Variants in CENPO observed in about 807,000 individuals in gnomAD.
CENPO encodes centromere protein O.
A neutral mutation model predicts 36.1 loss-of-function variants in CENPO; 30 were observed. The ratio of observed to expected loss-of-function variants is 0.83; its 90% CI spans 0.62 to 1.13. The LOEUF is 1.13. CENPO is among the 50% of genes most tolerant of loss of function. CENPO has a pLI of 0.00. For synonymous variants in CENPO, 171 were observed against 142.3 expected (o/e 1.20, Z -1.44); for missense variants, 349 against 357.8 (o/e 0.98, Z 0.20).
chr2:24,794,092 A>G (rs1665769685), intron 2 of CENPO, 127 bp downstream of exon 2: 1 of 769,788 alleles, frequency 1.3e-6, no homozygotes, highest in Non-Finnish European at 2.3e-6. Flanking sequence ...GAAAGGAACT[A>G]ACATTGAAGA....
intron 2 of CENPO, among the ~76,000 whole-genome samples, chr2:24,797,769 T>C (rs1292221969): frequency 6.6e-6 from 1 of 152,198 alleles, no homozygotes; most frequent in Admixed American, 6.5e-5. Flanking sequence ...TGGTGATCAG[T>C]AGGAGCATAT....
intron 3 of CENPO, among the ~76,000 whole-genome samples, chr2:24,812,902 G>GTTTTT (rs35639594): frequency 6.4e-4 from 68 of 105,620 alleles, no homozygotes; most frequent in Non-Finnish European, 7.9e-4. Context: ...TATGCCTGTA[G>GTTTTT]TTTTTTTTTT....
Position 24,821,079 on chromosome 2 carries a change from G to C in CENPO, c.*1761G>C, listed in dbSNP as rs1001696524. 3.5e-6 allele frequency: 2 copies of C among 573,096 alleles called. No individual in the cohort carries two copies. Among genetic ancestry groups the C allele is most frequent in the East Asian group, 6.5e-5 (2 of 30,882 alleles). 35.5% of individuals were successfully genotyped at this position (573,096 alleles called of 1,614,324 possible). Reference sequence around the variant, plus strand: ...CCCCATATGCAGATTTACTCGGCATGGTAGTGGCCAGCTTCTAACACAGCT... The same window carrying C: ...CCCCATATGCAGATTTACTCGGCATCGTAGTGGCCAGCTTCTAACACAGCT... On this transcript the variant is annotated 3_prime_UTR_variant, in exon 8 of 8. Transcript: ENST00000380834.
At chr2:24,814,579 T>C in intron 4 of CENPO, 86 bp downstream of exon 4, 2 of 746,116 alleles carry the variant, frequency 2.7e-6, no homozygotes, top group Non-Finnish European at 2.5e-6. Context: ...CCTGGAATTA[T>C]TTCATAATTT....
Position 24,821,491 on chromosome 2 carries a change from G to T in CENPO, c.*2173G>T. The stretch of plus-strand genomic sequence containing the variant: ...CCTGCATGGGAAGGGAGCCTGCTGC[G>T]GGGCAGGCCAGCTGGGGGTGCTCAC... On this transcript the variant is annotated 3_prime_UTR_variant, in exon 8 of 8. Transcript: ENST00000380834. 6.2e-7 allele frequency: 1 copy of T among 1,612,042 alleles called. No homozygotes were observed. The highest frequency in any genetic ancestry group is 1.1e-5 in the South Asian group (1 of 90,862).
intron 4 of CENPO, 102 bp from the exon 5 acceptor site, chr2:24,815,395 A>T: frequency 1.2e-6 from 1 of 838,818 alleles, no homozygotes; most frequent in Non-Finnish European, 2.0e-6. Flanking sequence ...TTTGTGTACA[A>T]AGTGTACATA....
At chr2:24,798,127 A>G (rs1665992291) in intron 2 of CENPO, among the ~76,000 whole-genome samples, 1 of 152,150 alleles carries the variant, frequency 6.6e-6, no homozygotes, top group African/African-American at 2.4e-5. Context: ...TAGTCCCAAA[A>G]CGTTCGGATA....
chr2:24,817,429 T>C (rs1447764734), intron 6 of CENPO, among the ~76,000 whole-genome samples: 1 of 142,056 alleles, frequency 7.0e-6, no homozygotes, highest in African/African-American at 2.7e-5. Flanking sequence ...AGTCTCTAGA[T>C]TGCATTGGTC....
chr2:24,806,357 A>G (rs1247196058), intron 3 of CENPO, among the ~76,000 whole-genome samples: 6 of 152,132 alleles, frequency 3.9e-5, no homozygotes, highest in Non-Finnish European at 8.8e-5. Flanking sequence ...CACTTCCCAG[A>G]GAGATGAACC....
Position 24,821,019 on chromosome 2 carries a change from T to C in CENPO, c.*1701T>C. On this transcript the variant is annotated 3_prime_UTR_variant, in exon 8 of 8. Transcript: ENST00000380834. ...GGGTGGAAATCACATCTCCTGTTTA[T>C]CCGTGTGCTTGTTAGGTGTCAGCCG... 1.1e-6 allele frequency: 1 copy of C among 943,706 alleles called. No homozygotes were observed. The highest frequency in any genetic ancestry group is 1.5e-6 in the Non-Finnish European group (1 of 654,146). The allele number at this position is 943,706 out of a possible 1,614,324, so 58.5% of individuals were successfully genotyped here.
In CENPO at chr2:24,796,210, C is replaced by T. The variant is rs145433870; in HGVS notation, c.46+2245C>T. ...CTCTACTAAAAATACAAAAATTAGC[C>T]GGGCATCGTGGTGCATGCCTGTAGT... is the stretch of plus-strand genomic sequence containing the variant. On this transcript the variant is annotated intron_variant, in intron 2 of 7. Coordinates refer to ENST00000380834, the MANE Select transcript of CENPO (RefSeq NM_001322101.2). Among the ~76,000 whole-genome samples the T allele has an allele frequency of 4.1e-4, 63 of 152,066 alleles. No individual in the cohort carries two copies. The East Asian group carries it at 5.3e-3, about 13-fold the overall frequency.
At chr2:24,801,321 CTTTAG>C (rs1490021625) in intron 3 of CENPO, among the ~76,000 whole-genome samples, 1 of 152,118 alleles carries the variant, frequency 6.6e-6, no homozygotes, top group Non-Finnish European at 1.5e-5. Context: ...TGCAGAAGCT[CTTTAG>C]TTTAATTAGA....
chr2:24,810,869 ATTC>A (rs1353593465), intron 3 of CENPO, among the ~76,000 whole-genome samples: 2 of 152,092 alleles, frequency 1.3e-5, no homozygotes, highest in Non-Finnish European at 2.9e-5. Context: ...CGTTTAAGGT[ATTC>A]TTCTTGTAAA....
Position 24,822,268 on chromosome 2 carries a change from C to A in CENPO, c.*2950C>A. 1 of 433,788 alleles carries A rather than the reference C, an allele frequency of 2.3e-6. No individual in the cohort carries two copies. The highest frequency in any genetic ancestry group is 4.1e-6 in the Non-Finnish European group (1 of 246,570). The allele number at this position is 433,788 out of a possible 1,614,324, so 26.9% of individuals were successfully genotyped here. On this transcript the variant is annotated 3_prime_UTR_variant, in exon 8 of 8. Transcript: ENST00000380834. ...AGCACAGAGCCTTAGGGGGCCTGGC[C>A]ACAGAACACAACCATCTTAGGCCTG...
In CENPO at chr2:24,815,572, C is replaced by T; in HGVS notation, c.410C>T (p.Ser137Phe). 6.2e-7 allele frequency: 1 copy of T among 1,613,884 alleles called. No individual in the cohort carries two copies. The highest frequency in any genetic ancestry group is 8.5e-7 in the Non-Finnish European group (1 of 1,179,800). Residue 137 changes from serine to phenylalanine, a missense_variant, in exon 5 of 8, where the codon TCC (serine) becomes TTC (phenylalanine). Ser to Phe is a radical substitution (Grantham distance 155). Transcript: ENST00000380834. ...GCTTTTGAGGGGAACCTATTGGATT[C>T]CTATTTTGTGGACCTTGTCATACAG... Reference protein sequence around the residue: ...STAFEGNLLDSYFVDLVIQKP... With the variant: ...STAFEGNLLDFYFVDLVIQKP...
chr2:24,820,321 T>G lies in CENPO; in HGVS notation c.*1003T>G, dbSNP rs1218124579. The G allele has an allele frequency of 4.6e-6, 6 of 1,311,024 alleles. No homozygotes were observed. The highest frequency in any genetic ancestry group is 3.0e-5 in the African/African-American group (2 of 65,678). The allele number at this position is 1,311,024 out of a possible 1,614,324, so 81.2% of individuals were successfully genotyped here. On this transcript the variant is annotated 3_prime_UTR_variant, in exon 8 of 8. Transcript: ENST00000380834. ...ACCCTGGAGTGACTGGCTGGGGGCC[T>G]CCTCTCATCCAGAGACTTCTCTCCT... is the stretch of plus-strand genomic sequence containing the variant.
chr2:24,810,043 G>A (rs1242391824), intron 3 of CENPO, among the ~76,000 whole-genome samples: 2 of 111,572 alleles, frequency 1.8e-5, no homozygotes, highest in East Asian at 6.5e-4. Flanking sequence ...GTGAAACTAT[G>A]TCTCAAAAAA....
In CENPO at chr2:24,819,923, C is replaced by G. The variant is rs201348363; in HGVS notation, c.*605C>G. 3 of 1,613,004 alleles carry G rather than the reference C, an allele frequency of 1.9e-6. No individual in the cohort carries two copies. The highest frequency in any genetic ancestry group is 2.2e-5 in the East Asian group (1 of 44,828). On this transcript the variant is annotated 3_prime_UTR_variant, in exon 8 of 8. Coordinates refer to ENST00000380834, the MANE Select transcript of CENPO (RefSeq NM_001322101.2). ...CTTCCGGTTTGGACTGTTGCAGGCT[C>G]GAGGCCATTCAGGAGTTGTCCACCA...
rs1667035557 is a variant in CENPO at position 24,817,925 on chromosome 2, C to T, written c.*35+84C>T. ...ATCACCCTTCTGATGAAAACAGACA[C>T]CTACCTGTTCATCTGGATGGAAGAG... On this transcript the variant is annotated intron_variant, in intron 7 of 7. Coordinates refer to ENST00000380834, the MANE Select transcript of CENPO (RefSeq NM_001322101.2). 7.2e-6 allele frequency: 8 copies of T among 1,106,538 alleles called. No homozygotes were observed. The South Asian group carries it at 7.9e-5, about 11-fold the overall frequency. The allele number at this position is 1,106,538 out of a possible 1,614,324, so 68.5% of individuals were successfully genotyped here.
Sources: allele counts gnomAD v4.1 joint callset (sites outside exome capture counted in the v4.1 genomes callset), GRCh38; gene constraint gnomAD v4.1.1; transcripts MANE v1.5; gene names NCBI Gene and HGNC (gene_info 2026-07-23, HGNC 2026-07-21).